ZBTB43: variants seen among roughly 807,000 people sequenced by gnomAD.
The protein encoded by ZBTB43 is zinc finger and BTB domain-containing protein 43.
Under a neutral mutation model 31.1 loss-of-function variants are expected in ZBTB43, and 6 were observed. The ratio of observed to expected loss-of-function variants is 0.19; its 90% CI spans 0.11 to 0.38. The LOEUF (loss-of-function observed/expected upper bound fraction) is 0.38. Among genes scored for constraint, ZBTB43 ranks in the 10% least tolerant of loss-of-function variants. ZBTB43 has a pLI of 1.00. For synonymous variants in ZBTB43, 212 were observed against 221.7 expected, an observed-to-expected ratio of 0.96 and a Z score of 0.39; for missense variants, 379 against 602.1, an observed-to-expected ratio of 0.63 and a Z score of 3.88.
rs1217187647 is a variant in ZBTB43, at chr9:126,835,855, G to A, written c.*1942G>A. 1 of 166,908 alleles carries A rather than the reference G, an allele frequency of 6.0e-6. No homozygotes were observed. The highest frequency in any genetic ancestry group is 2.4e-5 in the African/African-American group (1 of 41,400). 10.3% of individuals were successfully genotyped at this position (166,908 alleles called of 1,614,324 possible). A position where few individuals can be genotyped will look rare whatever the true frequency, so the allele number is the denominator to read the frequency against. Reference sequence around the variant, plus strand: ...TCTGTGTACCTGACACACGTATACTGAGGGGATTGTACAATCAAGCCTATT... The same window carrying A: ...TCTGTGTACCTGACACACGTATACTAAGGGGATTGTACAATCAAGCCTATT... On this transcript the variant is annotated 3_prime_UTR_variant, in exon 3 of 3. Transcript: ENST00000373464.
chr9:126,813,040 G>T (rs141155220), intron 2 of ZBTB43, among the ~76,000 whole-genome samples: 1 of 151,494 alleles, frequency 6.6e-6, no homozygotes, highest in Non-Finnish European at 1.5e-5. Context: ...GAGTGCTTTG[G>T]CATGATCTCG....
intron 2 of ZBTB43, among the ~76,000 whole-genome samples, chr9:126,827,779 G>A (rs1288975108): frequency 1.3e-5 from 2 of 152,058 alleles, no homozygotes; most frequent in East Asian, 3.9e-4. Flanking sequence ...AGACTGAGGC[G>A]GGCGGATCAC....
intron 2 of ZBTB43, among the ~76,000 whole-genome samples, chr9:126,809,222 C>T (rs974757963): frequency 6.6e-6 from 1 of 152,108 alleles, no homozygotes; most frequent in Non-Finnish European, 1.5e-5. Context: ...AGACGTGTAA[C>T]CACTGGCAGG....
chr9:126,809,982 C>T (rs563407504), intron 2 of ZBTB43, among the ~76,000 whole-genome samples: 19 of 151,232 alleles, frequency 1.3e-4, no homozygotes, highest in Admixed American at 8.6e-4. Flanking sequence ...TTACAGGTGC[C>T]GGCCACCACA....
intron 2 of ZBTB43, among the ~76,000 whole-genome samples, chr9:126,825,638 A>C (rs555477683): frequency 1.3e-5 from 2 of 152,128 alleles, no homozygotes; most frequent in East Asian, 3.9e-4. Context: ...GACACCCATC[A>C]TACTGTGTTA....
At chr9:126,810,340 A>G (rs111339451) in intron 2 of ZBTB43, among the ~76,000 whole-genome samples, 1,534 of 151,818 alleles carry the variant, frequency 0.01, 26 homozygotes, top group African/African-American at 0.035. Context: ...GATTACAGGC[A>G]TCTGTCAGCA....
chr9:126,831,501 T>G (rs1285993452), intron 2 of ZBTB43: 1 of 151,352 alleles, frequency 6.6e-6, no homozygotes. Flanking sequence ...AGACCTCATC[T>G]CTTTAAAAAA....
Position 126,832,836 on chromosome 9 carries a change from C to T in ZBTB43, c.327C>T (p.Phe109=). 1 of 1,614,130 alleles carries T rather than the reference C, an allele frequency of 6.2e-7. No individual in the cohort carries two copies. Among genetic ancestry groups the T allele is most frequent in the Non-Finnish European group, 8.5e-7 (1 of 1,180,032 alleles). The change falls in exon 3 of 3, where the codon TTC becomes TTT. Residue 109 remains phenylalanine (F), a synonymous_variant. Transcript: ENST00000373464. ...TTAGTTACTTGACAGCGGCAAGCTT[C>T]CTCCAGATGTGGCATGTGGTAGACA... is the stretch of plus-strand genomic sequence containing the variant. The part of the protein sequence containing the change: ...EIVSYLTAAS[F]LQMWHVVDKC...
At chr9:126,820,171 A>G (rs901915824) in intron 2 of ZBTB43, among the ~76,000 whole-genome samples, 11 of 152,252 alleles carry the variant, frequency 7.2e-5, no homozygotes, top group Non-Finnish European at 1.3e-4. Flanking sequence ...ATTGGTAAAG[A>G]TGGCTGCACT....
At chr9:126,816,531 A>G (rs2032389792) in intron 2 of ZBTB43, among the ~76,000 whole-genome samples, 1 of 152,208 alleles carries the variant, frequency 6.6e-6, no homozygotes, top group East Asian at 1.9e-4. Flanking sequence ...ATTCTGGAAT[A>G]TATCCACAGA....
At chr9:126,831,564 C>G (rs1290023857) in intron 2 of ZBTB43, 1 of 152,006 alleles carries the variant, frequency 6.6e-6, no homozygotes, top group East Asian at 1.9e-4. Context: ...CTTTAGGAGG[C>G]TGAGGCTGGT....
intron 2 of ZBTB43, among the ~76,000 whole-genome samples, chr9:126,819,325 C>T (rs2032461274): frequency 6.8e-6 from 1 of 146,116 alleles, no homozygotes; most frequent in Non-Finnish European, 1.5e-5. Context: ...TGTGGCAACC[C>T]TGCATTAAGG....
Position 126,834,116 on chromosome 9 carries a change from A to AACAC in ZBTB43, c.*204_*205insCACA. The AACAC allele has an allele frequency of 1.8e-6, 1 of 554,344 alleles. No individual in the cohort carries two copies. Among genetic ancestry groups the AACAC allele is most frequent in the Non-Finnish European group, 3.0e-6 (1 of 332,394 alleles). The allele number at this position is 554,344 out of a possible 1,614,324, so 34.3% of individuals were successfully genotyped here. On this transcript the variant is annotated 3_prime_UTR_variant, in exon 3 of 3. Coordinates refer to ENST00000373464, the MANE Select transcript of ZBTB43 (RefSeq NM_014007.4). ...TTTGTGTGTTCCAGTCCTGGCCTGG[A>AACAC]ATGGGTAATGGGGTGAGTTAACCCA...
intron 2 of ZBTB43, among the ~76,000 whole-genome samples, chr9:126,828,421 A>G (rs1470261263): frequency 7.3e-5 from 11 of 151,522 alleles, no homozygotes; most frequent in South Asian, 4.2e-4. Flanking sequence ...CTGACCTCGC[A>G]ATCCACCCGC....
At chr9:126,831,181 C>G (rs1488719164) in intron 2 of ZBTB43, among the ~76,000 whole-genome samples, 11 of 152,168 alleles carry the variant, frequency 7.2e-5, no homozygotes, top group Non-Finnish European at 1.6e-4. Context: ...GCCCCTCACT[C>G]CCTGACTGTA....
rs145726345 is a variant in ZBTB43 at position 126,834,577 on chromosome 9, A to G, written c.*664A>G. 1.2e-5 allele frequency: 2 copies of G among 167,188 alleles called. No individual in the cohort carries two copies. The highest frequency in any genetic ancestry group is 2.9e-5 in the Non-Finnish European group (2 of 68,122). 10.4% of individuals were successfully genotyped at this position (167,188 alleles called of 1,614,324 possible). On this transcript the variant is annotated 3_prime_UTR_variant, in exon 3 of 3. Transcript: ENST00000373464. ...TCTGTAAGATGCCACTACTGTCACA[A>G]GGTGTTTCAGACTCTTGATAAGGCA...
Position 126,832,700 on chromosome 9 carries a change from T to C in ZBTB43, c.191T>C (p.Leu64Pro). 1 of 1,614,162 alleles carries C rather than the reference T, an allele frequency of 6.2e-7. No individual in the cohort carries two copies. Residue 64 changes from leucine to proline, a missense_variant, in exon 3 of 3, where the codon CTG (leucine) becomes CCG (proline). By Grantham distance (98) the Leu-to-Pro change is moderately conservative (BLOSUM62 -3). Around this residue, in one of 5 missense-constraint regions of ZBTB43, gnomAD observed 79 missense variants for 134.4 expected, o/e 0.59. Transcript: ENST00000373464. ...SSPYFCDQVL[L>P]KNSRRIVLPD... ...CCCTACTTTTGTGACCAGGTACTCC[T>C]GAAAAACAGCAGGAGAATTGTTTTG...
chr9:126,812,843 T>C (rs1352655633), intron 2 of ZBTB43, among the ~76,000 whole-genome samples: 2 of 152,186 alleles, frequency 1.3e-5, no homozygotes, highest in Non-Finnish European at 2.9e-5. Flanking sequence ...CTGCAAATAA[T>C]TTCTCCTATT....
chr9:126,811,232 A>G lies in ZBTB43; in HGVS notation c.-24+2317A>G, dbSNP rs552816357. 1.3e-4 allele frequency among the ~76,000 whole-genome samples: 19 copies of G among 149,020 alleles called. No homozygotes were observed. The East Asian group carries it at 1.4e-3, about 11-fold the overall frequency. On this transcript the variant is annotated intron_variant, in intron 2 of 2. Transcript: ENST00000373464. Reference sequence around the variant, plus strand: ...GACTCCATCTCAAAAAAAAAAAAAAAAAGAAGAAAAAATTATATTCACCTT... The same window carrying G: ...GACTCCATCTCAAAAAAAAAAAAAAGAAGAAGAAAAAATTATATTCACCTT...
Sources: allele counts gnomAD v4.1 joint callset (sites outside exome capture counted in the v4.1 genomes callset), GRCh38; gene constraint gnomAD v4.1.1; regional missense constraint gnomAD v4.1.1; transcripts MANE v1.5; gene names NCBI Gene and HGNC (gene_info 2026-07-23, HGNC 2026-07-21).